Variants in NUP210L observed in about 807,000 individuals in gnomAD.
The protein encoded by NUP210L is nucleoporin 210 like.
In NUP210L, 74 loss-of-function variants were observed where a neutral mutation model predicts 208.5. The ratio of observed to expected loss-of-function variants is 0.35; its 90% CI spans 0.29 to 0.43. NUP210L has a LOEUF of 0.43. Ranked by LOEUF, NUP210L falls within the 20% of genes least tolerant of loss-of-function variation. The probability of loss-of-function intolerance (pLI) is 1.00; values close to 1 mark genes in which losing one functional copy is unlikely to be tolerated. For missense variants in NUP210L, 1,843 were observed against 2,289.4 expected (o/e 0.81, Z 3.98); for synonymous variants, 780 against 816.9 (o/e 0.95, Z 0.77).
intron 22 of NUP210L, among the ~76,000 whole-genome samples, 198 bp from the exon 23 acceptor site, chr1:154,057,145 ATTCTC>A (rs1346894298): frequency 1.3e-5 from 2 of 151,842 alleles, no homozygotes; most frequent in East Asian, 3.9e-4. Flanking sequence ...CTCCTGGCTA[ATTCTC>A]TTATTTTTTG....
Position 154,027,396 on chromosome 1 carries a change from T to C in NUP210L, c.3947+110A>G, listed in dbSNP as rs1294109340. 4 of 736,112 alleles carry C rather than the reference T, an allele frequency of 5.4e-6. No homozygotes were observed. The East Asian group carries it at 8.0e-5, about 15-fold the overall frequency. The allele number at this position is 736,112 out of a possible 1,614,324, so 45.6% of individuals were successfully genotyped here. On this transcript the variant is annotated intron_variant, in intron 29 of 39. Coordinates refer to ENST00000368559, the Ensembl canonical transcript of NUP210L. ...TGGGAATTTCACCTCACACAAAAAA[T>C]TATTTGGGAAAAATCTCCTAGAAGG...
chr1:154,122,755 G>C (rs1403899440), intron 10 of NUP210L, among the ~76,000 whole-genome samples: 2 of 152,118 alleles, frequency 1.3e-5, no homozygotes, highest in Non-Finnish European at 2.9e-5. Flanking sequence ...AGCTACTGTA[G>C]AAAACAGTAT....
intron 27 of NUP210L, among the ~76,000 whole-genome samples, chr1:154,043,841 G>C (rs1653027835): frequency 6.6e-6 from 1 of 151,178 alleles, no homozygotes; most frequent in Non-Finnish European, 1.5e-5. Context: ...TGGCCAGGCT[G>C]GTCTCAAACT....
intron 6 of NUP210L, among the ~76,000 whole-genome samples, chr1:154,136,742 A>C (rs933727318): frequency 6.6e-6 from 1 of 150,498 alleles, no homozygotes; most frequent in Non-Finnish European, 1.5e-5. Context: ...AACATGGTGA[A>C]ACCCCATCTC....
intron 34 of NUP210L, among the ~76,000 whole-genome samples, chr1:154,011,971 A>C (rs1447924814): frequency 6.6e-6 from 1 of 151,874 alleles, no homozygotes; most frequent in Non-Finnish European, 1.5e-5. Flanking sequence ...TGGCCTCCCA[A>C]AGTGCTGGGA....
rs530384000 is a variant in NUP210L at position 154,009,448 on chromosome 1, A to G, written c.4930+524T>C. Among the ~76,000 whole-genome samples, 13 of 152,184 alleles carry G rather than the reference A, an allele frequency of 8.5e-5. No individual in the cohort carries two copies. The South Asian group carries it at 2.7e-3, about 32-fold the overall frequency. On this transcript the variant is annotated intron_variant, in intron 35 of 39. Transcript: ENST00000368559. ...GGGACTAGCAAGAAAATAGTAAATT[A>G]TAATAGAAAAGCACAGGATATTCTA...
chr1:154,098,096 C>G (rs1315753737), intron 14 of NUP210L, among the ~76,000 whole-genome samples: 41 of 152,246 alleles, frequency 2.7e-4, no homozygotes, highest in Admixed American at 2.7e-3. Flanking sequence ...ACACCAGTTG[C>G]TGCAGTGGGA....
At chr1:154,019,975 C>T (rs1038477693) in intron 32 of NUP210L, among the ~76,000 whole-genome samples, 1 of 152,056 alleles carries the variant, frequency 6.6e-6, no homozygotes, top group Admixed American at 6.6e-5. Context: ...AAATACTCTG[C>T]TTCATTGACA....
exon 19 of NUP210L, chr1:154,061,004 G>A (rs376463656): frequency 1.9e-5 from 31 of 1,613,650 alleles, no homozygotes; most frequent in Non-Finnish European, 4.2e-6. Flanking sequence ...TCATCTACCA[G>A]GAGCAGTTCC....
At chr1:154,152,667 A>G in intron 2 of NUP210L, 69 bp downstream of exon 2, 2 of 1,364,104 alleles carry the variant, frequency 1.5e-6, no homozygotes, top group Non-Finnish European at 2.1e-6. Context: ...TGTGTTAACT[A>G]TCTATACAAA....
rs116494515 is a variant in NUP210L at position 154,105,472 on chromosome 1, G to C, written c.1621-1262C>G. 4.3e-5 allele frequency among the ~76,000 whole-genome samples: 5 copies of C among 117,352 alleles called. 1 individual carries two copies. In the South Asian group the frequency reaches 1.3e-3, roughly 31 times the overall value. The allele number at this position is 117,352 out of a possible 152,430, so 77.0% of individuals were successfully genotyped here. On this transcript the variant is annotated intron_variant, in intron 12 of 39. Coordinates refer to ENST00000368559, the Ensembl canonical transcript of NUP210L. ...CCACTGCACTCCAGCCTAGGTGACA[G>C]AGCAAAAATCCGTTAAAAAAAAAAA...
intron 16 of NUP210L, among the ~76,000 whole-genome samples, chr1:154,071,200 C>G (rs1199408994): frequency 1.3e-5 from 2 of 151,794 alleles, no homozygotes; most frequent in African/African-American, 4.8e-5. Context: ...AGGCTCAAGC[C>G]ATCCTCCCAA....
chr1:154,132,036 C>T (rs1489825712), intron 7 of NUP210L, among the ~76,000 whole-genome samples: 1 of 152,150 alleles, frequency 6.6e-6, no homozygotes, highest in Non-Finnish European at 1.5e-5. Context: ...TCTCAAACTC[C>T]TGACCAGTGA....
chr1:154,036,920 A>G (rs1231667827), intron 27 of NUP210L, among the ~76,000 whole-genome samples: 1 of 151,308 alleles, frequency 6.6e-6, no homozygotes, highest in Non-Finnish European at 1.5e-5. Context: ...ATGCCACCAC[A>G]CCCAGCTAAT....
exon 12 of NUP210L, chr1:154,117,772 C>G (rs1390674406): frequency 2.6e-6 from 4 of 1,530,962 alleles, no homozygotes; most frequent in Non-Finnish European, 3.5e-6. Context: ...CGGGCCAAAA[C>G]AGTACTATTC....
intron 15 of NUP210L, among the ~76,000 whole-genome samples, chr1:154,090,623 C>G (rs1045559818): frequency 2.0e-5 from 3 of 151,972 alleles, no homozygotes; most frequent in Non-Finnish European, 4.4e-5. Flanking sequence ...CCAGCCTGGC[C>G]GATATGGTGA....
intron 24 of NUP210L, 46 bp downstream of exon 24, chr1:154,054,724 G>A (rs749411597): frequency 9.3e-6 from 12 of 1,285,684 alleles, no homozygotes; most frequent in Non-Finnish European, 1.2e-5. Context: ...GAGAGAGAGA[G>A]GTAAGGAGAA....
intron 13 of NUP210L, among the ~76,000 whole-genome samples, chr1:154,103,465 G>A (rs373826432): frequency 6.6e-6 from 1 of 151,058 alleles, no homozygotes; most frequent in African/African-American, 2.4e-5. Flanking sequence ...GAGCTCAGGA[G>A]ATCGAGACCA....
At chr1:154,061,033 A>C (rs1441497594) in exon 19 of NUP210L, 3 of 1,610,202 alleles carry the variant, frequency 1.9e-6, no homozygotes, top group African/African-American at 2.7e-5. Context: ...AGATCTGGGC[A>C]AGTTGGAAAT....
Sources: allele counts gnomAD v4.1 joint callset (sites outside exome capture counted in the v4.1 genomes callset), GRCh38; gene constraint gnomAD v4.1.1; transcripts MANE v1.5; gene names NCBI Gene and HGNC (gene_info 2026-07-23, HGNC 2026-07-21).